Variants in TRIM8 observed in about 807,000 individuals in gnomAD.
The protein encoded by TRIM8 is E3 ubiquitin-protein ligase TRIM8.
A neutral mutation model predicts 55.7 loss-of-function variants in TRIM8; 9 were observed. That is an observed-to-expected ratio of 0.16 (90% CI 0.10 to 0.28). The LOEUF is 0.28. Ranked by LOEUF, TRIM8 falls within the 10% of genes least tolerant of loss-of-function variation. TRIM8 has a pLI of 1.00. For synonymous variants in TRIM8, 335 were observed against 333.3 expected (o/e 1.01, Z -0.06); for missense variants, 556 against 736.4 (o/e 0.76, Z 2.83).
At chr10:102,649,183 GC>G (rs1030822154) in intron 1 of TRIM8, 45 of 152,482 alleles carry the variant, frequency 3.0e-4, no homozygotes, top group African/African-American at 1.1e-3. Context: ...AGCCGTGTCT[GC>G]CTGCCGGGCT....
chr10:102,648,750 C>T (rs1221608266), intron 1 of TRIM8, among the ~76,000 whole-genome samples: 1 of 152,178 alleles, frequency 6.6e-6, no homozygotes, highest in Non-Finnish European at 1.5e-5. Context: ...CCTCTCCCTA[C>T]AGCAGACCAT....
At chr10:102,647,810 C>T (rs1215874119) in intron 1 of TRIM8, among the ~76,000 whole-genome samples, 1 of 152,196 alleles carries the variant, frequency 6.6e-6, no homozygotes, top group Non-Finnish European at 1.5e-5. Flanking sequence ...GCTGACATGC[C>T]TGTCAACTGG....
At position 102,645,066 on chromosome 10, in the gene TRIM8, C is replaced by G; in HGVS notation, c.449C>G (p.Ala150Gly). 6.3e-7 allele frequency: 1 copy of G among 1,593,060 alleles called. No homozygotes were observed. The highest frequency in any genetic ancestry group is 8.5e-7 in the Non-Finnish European group (1 of 1,177,236). The change falls in exon 1 of 6, where the codon GCC becomes GGC. Residue 150 changes from alanine (A) to glycine (G), a missense_variant. Physicochemically the swap from Ala to Gly is moderately conservative, Grantham distance 60 (BLOSUM62 0). This residue lies in a region of TRIM8 where 165 missense variants were observed against 295.3 expected (regional missense o/e 0.56). Coordinates refer to ENST00000643721, the MANE Select transcript of TRIM8 (RefSeq NM_030912.3). Reference protein sequence around the residue: ...VRAWSCPQHNAYRLYHCEAEQ... With the variant: ...VRAWSCPQHNGYRLYHCEAEQ... ...GCCTGGAGCTGCCCGCAGCACAACG[C>G]CTACCGCCTCTACCACTGCGAGGCC...
At chr10:102,645,388 C>G (rs548027340) in intron 1 of TRIM8, 6 of 543,182 alleles carry the variant, frequency 1.1e-5, no homozygotes, top group East Asian at 9.8e-5. Context: ...TACATTCTCG[C>G]ACCTGTGCGC....
At chr10:102,645,875 C>G (rs1259301533) in intron 1 of TRIM8, 2 of 152,288 alleles carry the variant, frequency 1.3e-5, no homozygotes, top group Non-Finnish European at 2.9e-5. Context: ...ATGAACAAGC[C>G]TTCAAGTATC....
chr10:102,656,909 G>A lies in TRIM8; in HGVS notation c.1211G>A (p.Gly404Asp). The change falls in exon 6 of 6, where the codon GGC (glycine) becomes GAC (aspartate). Residue 404 changes from glycine to aspartate, a missense_variant. Physicochemically the swap from Gly to Asp is moderately conservative, Grantham distance 94. Transcript: ENST00000643721. This position sits in a 1 kb window ranked among gnomAD's most constrained non-coding sequence, Gnocchi z 4.6. ...GTGGGCGGCCAGTACGGGGCGGCGG[G>A]CACAGCCAGCGGTGAGGGCCAGTCT... The part of the protein sequence containing the change: ...GPVGGQYGAA[G>D]TASGEGQSGQ... 6.3e-7 allele frequency: 1 copy of A among 1,598,642 alleles called. No homozygotes were observed. Among genetic ancestry groups the A allele is most frequent in the Non-Finnish European group, 8.5e-7 (1 of 1,171,840 alleles).
In TRIM8 at chr10:102,647,248, G is replaced by T. The variant is rs184286017; in HGVS notation, c.570+2061G>T. ...TGTGTGTGTGCGTGTGTGCGTGTGT[G>T]TGCGTGCGCGTGCATGCGCGTGCTT... On this transcript the variant is annotated intron_variant, in intron 1 of 5. Coordinates refer to ENST00000643721, the MANE Select transcript of TRIM8 (RefSeq NM_030912.3). Among the ~76,000 whole-genome samples, 44 of 152,306 alleles carry T rather than the reference G, an allele frequency of 2.9e-4. No homozygotes were observed. In the East Asian group the frequency reaches 4.4e-3, roughly 15 times the overall value.
intron 1 of TRIM8, among the ~76,000 whole-genome samples, chr10:102,648,779 GTGTT>G (rs1410550984): frequency 1.4e-4 from 22 of 152,288 alleles, no homozygotes; most frequent in East Asian, 1.4e-3. Flanking sequence ...AGGGGTGTGT[GTGTT>G]TGTGTGCACG....
At chr10:102,647,237 T>C (rs1056524888) in intron 1 of TRIM8, among the ~76,000 whole-genome samples, 2 of 152,092 alleles carry the variant, frequency 1.3e-5, no homozygotes, top group Non-Finnish European at 2.9e-5. Context: ...TGTGTGCGTG[T>C]GTGCGTGTGT....
intron 1 of TRIM8, 194 bp from the exon 2 acceptor site, chr10:102,654,459 T>G: frequency 1.8e-6 from 1 of 562,428 alleles, no homozygotes; most frequent in Non-Finnish European, 3.2e-6. Context: ...GATAAATAAA[T>G]ATGCATGGGA....
intron 1 of TRIM8, chr10:102,645,444 C>T: frequency 2.5e-6 from 1 of 401,868 alleles, no homozygotes; most frequent in Non-Finnish European, 4.5e-6. Flanking sequence ...GGTGTGGGAC[C>T]GTCAGGGGTA....
In TRIM8 at chr10:102,644,568, G is replaced by A. The variant is rs1292826611; in HGVS notation, c.-50G>A. 15 of 1,571,984 alleles carry A rather than the reference G, an allele frequency of 9.5e-6. No individual in the cohort carries two copies. The East Asian group carries it at 1.4e-4, about 15-fold the overall frequency. ...CTACAGCGGCTCCGGACGGACCCCC[G>A]GGGCTGGGGAGTCGGGGAGGCCTGC... On this transcript the variant is annotated 5_prime_UTR_variant, in exon 1 of 6. Transcript: ENST00000643721.
Position 102,645,143 on chromosome 10 carries a change from G to A in TRIM8, c.526G>A (p.Gly176Arg). 1 of 1,573,408 alleles carries A rather than the reference G, an allele frequency of 6.4e-7. No homozygotes were observed. The highest frequency in any genetic ancestry group is 8.6e-7 in the Non-Finnish European group (1 of 1,168,234). Reference sequence around the variant, plus strand: ...CTGCTACTACAGCGGCGCGCATCAGGGACACTCGGTGTGCGACGTGGAGAT... The same window carrying A: ...CTGCTACTACAGCGGCGCGCATCAGAGACACTCGGTGTGCGACGTGGAGAT... ...YCCYYSGAHQ[G>R]HSVCDVEIRR... Residue 176 changes from glycine (G) to arginine (R), a missense_variant, in exon 1 of 6, where the codon GGA becomes AGA. Coordinates refer to ENST00000643721, the MANE Select transcript of TRIM8 (RefSeq NM_030912.3).
intron 1 of TRIM8, 182 bp downstream of exon 1, chr10:102,645,369 G>T (rs1412403269): frequency 2.1e-5 from 13 of 629,814 alleles, no homozygotes; most frequent in Non-Finnish European, 2.6e-5. Context: ...GCCCCGGGTC[G>T]CTACTTGGTA....
At chr10:102,654,426 G>A (rs3977743) in intron 1 of TRIM8, 138,533 of 455,662 alleles carry the variant, frequency 0.3, 21,746 homozygotes, top group South Asian at 0.37. Flanking sequence ...AACAGAGTGA[G>A]AATCCATCTA....
In TRIM8 at chr10:102,655,060, C is replaced by T; in HGVS notation, c.667-20C>T. Reference sequence around the variant, plus strand: ...TCCAGTGCTTACCTGCCTGCCCACTCCTGCCCTCTGTACTCGCAGGAGAAA... The same window carrying T: ...TCCAGTGCTTACCTGCCTGCCCACTTCTGCCCTCTGTACTCGCAGGAGAAA... On this transcript the variant is annotated intron_variant, in intron 2 of 5. Transcript: ENST00000643721. 6.2e-7 allele frequency: 1 copy of T among 1,613,072 alleles called. No homozygotes were observed.
intron 1 of TRIM8, among the ~76,000 whole-genome samples, chr10:102,651,205 T>C (rs2063982250): frequency 6.6e-6 from 1 of 152,146 alleles, no homozygotes; most frequent in African/African-American, 2.4e-5. Flanking sequence ...CTAGGGACTG[T>C]GTGGCCTGGG....
chr10:102,645,493 C>A (rs1252315552), intron 1 of TRIM8: 1 of 277,114 alleles, frequency 3.6e-6, no homozygotes, highest in Non-Finnish European at 6.8e-6. Flanking sequence ...GCAGCTCCCT[C>A]CCCCAGTCTT....
intron 2 of TRIM8, 115 bp downstream of exon 2, chr10:102,654,863 C>A: frequency 1.0e-6 from 1 of 952,684 alleles, no homozygotes; most frequent in Non-Finnish European, 1.7e-6. Context: ...CTCCATCAGT[C>A]ATTCAATCAA....
Sources: gnomAD v4.1 joint callset for allele counts (sites outside exome capture counted in the v4.1 genomes callset) on GRCh38, gnomAD v4.1.1 for gene constraint, gnomAD v4.1.1 regional missense constraint, Gnocchi (gnomAD v3.1) non-coding constraint, MANE v1.5 for transcripts, NCBI Gene and HGNC (gene_info 2026-07-23, HGNC 2026-07-21) for gene names.